LOC128462377: variants seen among roughly 807,000 people sequenced by gnomAD.
At chr16:89,404,036 A>G in the LOC128462377 span, among the ~76,000 whole-genome samples, 1 of 152,246 alleles carries the variant, frequency 6.6e-6, no homozygotes, top group Non-Finnish European at 1.5e-5. Context: ...TGGCAAACTT[A>G]TAACTAAAAT....
the LOC128462377 span, chr16:89,323,828 T>C: frequency 4.2e-6 from 1 of 238,440 alleles, no homozygotes; most frequent in Non-Finnish European, 8.3e-6. Context: ...GTTCCAGCTA[T>C]CACTCTGTGC....
chr16:89,329,659 T>A, the LOC128462377 span, among the ~76,000 whole-genome samples: 2 of 152,204 alleles, frequency 1.3e-5, no homozygotes, highest in African/African-American at 4.8e-5. Context: ...GAGGTAAGCT[T>A]CCTTTCATAA....
chr16:89,361,789 G>C, the LOC128462377 span: 1 of 152,162 alleles, frequency 6.6e-6, no homozygotes, highest in Non-Finnish European at 1.5e-5. Context: ...GAAGTACAAA[G>C]TAAAAAGATT....
the LOC128462377 span, among the ~76,000 whole-genome samples, chr16:89,413,942 C>G: frequency 6.6e-6 from 1 of 152,152 alleles, no homozygotes; most frequent in Non-Finnish European, 1.5e-5. Context: ...CCTGGCCACC[C>G]AGACAGGGAC....
the LOC128462377 span, chr16:89,395,877 T>C: frequency 6.6e-6 from 1 of 152,196 alleles, no homozygotes; most frequent in Admixed American, 6.5e-5. Context: ...TTCAACGCAC[T>C]ACGTCCCGAG....
chr16:89,394,642 A>G, the LOC128462377 span, among the ~76,000 whole-genome samples: 1 of 148,092 alleles, frequency 6.8e-6, no homozygotes, highest in South Asian at 2.2e-4. Flanking sequence ...AAAAAAAAAA[A>G]CAAACAACCT....
chr16:89,415,895 T>C, the LOC128462377 span, among the ~76,000 whole-genome samples: 2 of 142,398 alleles, frequency 1.4e-5, no homozygotes, highest in South Asian at 2.3e-4. Context: ...GGCCCTCACA[T>C]GCCCATGTGG....
the LOC128462377 span, chr16:89,320,468 CACAGCCGCGGGAAGGTAA>C: frequency 6.6e-6 from 1 of 152,278 alleles, no homozygotes; most frequent in East Asian, 1.9e-4. Flanking sequence ...AGCGGCAAGG[CACAGCCGCGGGAAGGTAA>C]ACGCAGAGCC....
chr16:89,337,837 T>A, the LOC128462377 span, among the ~76,000 whole-genome samples: 5 of 152,256 alleles, frequency 3.3e-5, no homozygotes, highest in East Asian at 9.7e-4. Context: ...GAGTCAGCAA[T>A]GCCTGTTCCT....
the LOC128462377 span, among the ~76,000 whole-genome samples, chr16:89,341,412 C>T: frequency 2.0e-5 from 3 of 152,212 alleles, no homozygotes; most frequent in Admixed American, 6.5e-5. Flanking sequence ...AAGGCCCCAA[C>T]GTGAACAGAC....
the LOC128462377 span, among the ~76,000 whole-genome samples, chr16:89,369,665 G>C: frequency 6.6e-6 from 1 of 152,198 alleles, no homozygotes; most frequent in Non-Finnish European, 1.5e-5. Flanking sequence ...GGTGACGCAA[G>C]GGTTTTAAGG....
At chr16:89,392,331 A>G in the LOC128462377 span, 2 of 152,496 alleles carry the variant, frequency 1.3e-5, no homozygotes, top group East Asian at 3.8e-4. Flanking sequence ...CATTTCAAAC[A>G]CACTGATGGC....
At chr16:89,324,296 C>A in the LOC128462377 span, 1 of 1,263,168 alleles carries the variant, frequency 7.9e-7, no homozygotes, top group Non-Finnish European at 1.0e-6. Flanking sequence ...GAACACGGAC[C>A]ACCCGACAGG....
At chr16:89,350,234 A>G in the LOC128462377 span, among the ~76,000 whole-genome samples, 1 of 152,234 alleles carries the variant, frequency 6.6e-6, no homozygotes, top group Non-Finnish European at 1.5e-5. Flanking sequence ...GCTGGTGGGA[A>G]CACAAAACTG....
At chr16:89,350,066 C>T in the LOC128462377 span, among the ~76,000 whole-genome samples, 1 of 152,124 alleles carries the variant, frequency 6.6e-6, no homozygotes, top group Non-Finnish European at 1.5e-5. Context: ...TGGATAGTCC[C>T]TTCCCCCCAC....
At chr16:89,351,323 G>A in the LOC128462377 span, among the ~76,000 whole-genome samples, 1 of 152,170 alleles carries the variant, frequency 6.6e-6, no homozygotes, top group Non-Finnish European at 1.5e-5. Flanking sequence ...GAAGGGGATG[G>A]CATCCATGGC....
At chr16:89,336,652 C>T in the LOC128462377 span, among the ~76,000 whole-genome samples, 5 of 152,170 alleles carry the variant, frequency 3.3e-5, no homozygotes, top group African/African-American at 4.8e-5. Flanking sequence ...CCACACCCCC[C>T]GGGTGGGCCA....
chr16:89,397,044 G>GT, the LOC128462377 span, among the ~76,000 whole-genome samples: 1 of 151,306 alleles, frequency 6.6e-6, no homozygotes, highest in Non-Finnish European at 1.5e-5. Flanking sequence ...TTTAAAGAAT[G>GT]TGCTGCTTAT....
chr16:89,326,772 A>C, the LOC128462377 span, among the ~76,000 whole-genome samples: 2 of 152,080 alleles, frequency 1.3e-5, no homozygotes, highest in Non-Finnish European at 2.9e-5. Context: ...CCAAAAAAAC[A>C]CAACCGGGGC....
Sources: allele counts gnomAD v4.1 joint callset (sites outside exome capture counted in the v4.1 genomes callset), GRCh38; gene constraint gnomAD v4.1.1; transcripts MANE v1.5.